NUDT7: variants seen among roughly 807,000 people sequenced by gnomAD.
NUDT7 encodes the protein nudix hydrolase 7.
A neutral mutation model predicts 13.1 loss-of-function variants in NUDT7; 19 were observed. That is an observed-to-expected ratio of 1.45 (90% confidence interval 1.01 to 2.13). NUDT7 has a LOEUF of 2.13. Ranked by LOEUF, NUDT7 falls within the 30% of genes most tolerant of loss-of-function variation. NUDT7 has a pLI of 0.00. For synonymous variants in NUDT7, 132 were observed against 109.7 expected (o/e 1.20, Z -1.27); for missense variants, 360 against 291.7 (o/e 1.23, Z -1.71).
In NUDT7 at chr16:77,725,474, G is replaced by A; in HGVS notation, c.79G>A (p.Asp27Asn). Residue 27 changes from aspartate (D) to asparagine (N), a missense_variant, in exon 2 of 4, where the codon GAT becomes AAT. Physicochemically the swap from Asp to Asn is conservative, Grantham distance 23 (BLOSUM62 1). Coordinates refer to ENST00000268533, the MANE Select transcript of NUDT7 (RefSeq NM_001105663.3). ...TGCTAAGGCCCGCTTAAGAAAGTAT[G>A]ATATTGGAGGCAAATATTCTCACTT... ...DDAKARLRKY[D>N]IGGKYSHLPY... The A allele has an allele frequency of 6.2e-7, 1 of 1,613,818 alleles. No individual in the cohort carries two copies. The highest frequency in any genetic ancestry group is 8.5e-7 in the Non-Finnish European group (1 of 1,179,820).
chr16:77,741,827 G>A lies in NUDT7; in HGVS notation c.594G>A (p.Leu198=), dbSNP rs373948761. 2.5e-4 allele frequency: 400 copies of A among 1,613,944 alleles called. No homozygotes were observed. The highest frequency in any genetic ancestry group is 3.2e-4 in the Non-Finnish European group (382 of 1,180,022). ...GAATGACGGCAAACCTTGCAGTGTT[G>A]GTGGCCTTTATCATTTTGGAAAAAA... ...IKGMTANLAV[L]VAFIILEKKP... is the part of the protein sequence containing the mutation. The change falls in exon 4 of 4, where the codon TTG becomes TTA. Residue 198 remains leucine (L), a synonymous_variant. Coordinates refer to ENST00000268533, the MANE Select transcript of NUDT7 (RefSeq NM_001105663.3).
At position 77,725,533 on chromosome 16, in the gene NUDT7, G is replaced by A. The variant is rs367784421; in HGVS notation, c.138G>A (p.Leu46=). 1.7e-5 allele frequency: 28 copies of A among 1,613,850 alleles called. No individual in the cohort carries two copies. The highest frequency in any genetic ancestry group is 2.4e-5 in the Non-Finnish European group (28 of 1,179,946). ...PYNKYSVLLP[L]VAKEGKLHLL... ...ACAAATACTCCGTCCTTTTGCCATT[G>A]GTGGCTAAAGAAGGAAAACTCCATT... The change falls in exon 2 of 4, where the codon TTG becomes TTA. Residue 46 remains leucine (L), a synonymous_variant. Coordinates refer to ENST00000268533, the MANE Select transcript of NUDT7 (RefSeq NM_001105663.3).
intron 2 of NUDT7, among the ~76,000 whole-genome samples, chr16:77,732,199 G>A (rs2014338707): frequency 6.6e-6 from 1 of 151,942 alleles, no homozygotes; most frequent in South Asian, 2.1e-4. Flanking sequence ...ATGCTGGCGG[G>A]TGCCTGTAAT....
intron 3 of NUDT7, among the ~76,000 whole-genome samples, chr16:77,740,315 G>A (rs894834929): frequency 2.6e-5 from 4 of 152,024 alleles, no homozygotes; most frequent in African/African-American, 7.2e-5. Context: ...TCTGCAGGCC[G>A]GATAGGTCCC....
intron 3 of NUDT7, chr16:77,736,686 G>T: frequency 3.5e-6 from 1 of 282,930 alleles, no homozygotes; most frequent in Non-Finnish European, 7.7e-6. Context: ...GGCTGGTCTC[G>T]AGCTCCTGGC....
At chr16:77,739,108 A>T (rs967312601) in intron 3 of NUDT7, among the ~76,000 whole-genome samples, 14 of 152,158 alleles carry the variant, frequency 9.2e-5, no homozygotes, top group African/African-American at 3.1e-4. Context: ...TTCCTCTTAC[A>T]ACCCCAGGGC....
At chr16:77,735,586 T>TA (rs1232111280) in intron 2 of NUDT7, 1 of 582,208 alleles carries the variant, frequency 1.7e-6, no homozygotes, top group Non-Finnish European at 3.1e-6. Flanking sequence ...AACAGATTAA[T>TA]ACAGTGTGTG....
chr16:77,728,174 C>G (rs2014199656), intron 2 of NUDT7, among the ~76,000 whole-genome samples: 1 of 152,086 alleles, frequency 6.6e-6, no homozygotes, highest in African/African-American at 2.4e-5. Context: ...GAAAGCAAGG[C>G]AAGAAGTGGG....
In NUDT7 at chr16:77,722,514, G is replaced by A; in HGVS notation, c.-69G>A. 2 of 1,437,020 alleles carry A rather than the reference G, an allele frequency of 1.4e-6. No individual in the cohort carries two copies. The highest frequency in any genetic ancestry group is 2.5e-5 in the East Asian group (1 of 40,426). 89.0% of individuals were successfully genotyped at this position (1,437,020 alleles called of 1,614,324 possible). On this transcript the variant is annotated 5_prime_UTR_variant, in exon 1 of 4. Coordinates refer to ENST00000268533, the MANE Select transcript of NUDT7 (RefSeq NM_001105663.3). Reference sequence around the variant, plus strand: ...TTAGGCCGCTCCCAAGCCCAGAGCTGCTCTGCGCAAGCGCGACCGACCGAG... The same window carrying A: ...TTAGGCCGCTCCCAAGCCCAGAGCTACTCTGCGCAAGCGCGACCGACCGAG...
At chr16:77,736,958 A>G (rs1468078359) in intron 3 of NUDT7, among the ~76,000 whole-genome samples, 4 of 152,226 alleles carry the variant, frequency 2.6e-5, no homozygotes, top group Non-Finnish European at 4.4e-5. Flanking sequence ...TGAAGGTAGT[A>G]CAGAGAGTTC....
intron 2 of NUDT7, among the ~76,000 whole-genome samples, chr16:77,734,527 G>T (rs958000631): frequency 2.0e-5 from 3 of 152,152 alleles, no homozygotes; most frequent in Non-Finnish European, 4.4e-5. Context: ...GGAAGCTGAG[G>T]CAGGAGAATG....
intron 2 of NUDT7, among the ~76,000 whole-genome samples, chr16:77,730,253 A>C (rs1364259338): frequency 6.6e-6 from 1 of 152,214 alleles, no homozygotes; most frequent in African/African-American, 2.4e-5. Context: ...GAAACTTTTT[A>C]TCTTTTGACC....
intron 2 of NUDT7, among the ~76,000 whole-genome samples, chr16:77,734,423 A>G (rs1355712402): frequency 2.0e-5 from 3 of 152,168 alleles, no homozygotes; most frequent in Non-Finnish European, 4.4e-5. Flanking sequence ...GAAGATCGAG[A>G]CCAGTCTGGC....
intron 2 of NUDT7, among the ~76,000 whole-genome samples, chr16:77,732,852 T>A (rs1383371576): frequency 6.6e-6 from 1 of 152,192 alleles, no homozygotes; most frequent in Non-Finnish European, 1.5e-5. Context: ...GATGACTGCT[T>A]GGAGGTGCGT....
At chr16:77,731,675 C>G (rs971812724) in intron 2 of NUDT7, among the ~76,000 whole-genome samples, 5 of 152,086 alleles carry the variant, frequency 3.3e-5, no homozygotes, top group Non-Finnish European at 1.5e-5. Context: ...TTAGTAAGGT[C>G]CTTCAGGAGA....
chr16:77,732,335 A>AAAAGAG (rs1555504343), intron 2 of NUDT7, among the ~76,000 whole-genome samples: 22 of 151,418 alleles, frequency 1.5e-4, no homozygotes, highest in Admixed American at 7.9e-4. Context: ...TCAAAAAAAA[A>AAAAGAG]AAAGAAAAAG....
intron 2 of NUDT7, chr16:77,735,585 A>G (rs1271246653): frequency 8.6e-6 from 5 of 582,044 alleles, no homozygotes; most frequent in Non-Finnish European, 1.5e-5. Context: ...GAACAGATTA[A>G]TACAGTGTGT....
At chr16:77,731,346 C>T (rs1367295845) in intron 2 of NUDT7, among the ~76,000 whole-genome samples, 5 of 124,454 alleles carry the variant, frequency 4.0e-5, no homozygotes, top group South Asian at 2.3e-4. Context: ...AATGATGGAC[C>T]ATGGACCATA....
At chr16:77,729,186 G>C (rs1405479261) in intron 2 of NUDT7, among the ~76,000 whole-genome samples, 1 of 152,106 alleles carries the variant, frequency 6.6e-6, no homozygotes, top group Admixed American at 6.5e-5. Context: ...GTCAGTTTTA[G>C]AAATGTGCCT....
Sources: gnomAD v4.1 joint callset for allele counts (sites outside exome capture counted in the v4.1 genomes callset) on GRCh38, gnomAD v4.1.1 for gene constraint, MANE v1.5 for transcripts, NCBI Gene and HGNC (gene_info 2026-07-23, HGNC 2026-07-21) for gene names.